NRXN2: variants seen among roughly 807,000 people sequenced by gnomAD.
NRXN2 encodes the protein neurexin-2-beta.
In NRXN2, 29 loss-of-function variants were observed where a neutral mutation model predicts 128.8. The ratio of observed to expected loss-of-function variants is 0.23; its 90% CI spans 0.17 to 0.31. The LOEUF is 0.31. Among genes scored for constraint, NRXN2 ranks in the 10% least tolerant of loss-of-function variants. The probability of loss-of-function intolerance (pLI) is 1.00; values close to 1 mark genes in which losing one functional copy is unlikely to be tolerated. For missense variants in NRXN2, 1,881 were observed against 2,452.6 expected (o/e 0.77, Z 4.92); for synonymous variants, 1,098 against 1,075.2 (o/e 1.02, Z -0.41).
At position 64,632,993 on chromosome 11, in the gene NRXN2, C is replaced by T. The variant is rs1052817510; in HGVS notation, c.3585+2278G>A. ...AGGGGAGGAAGGGGTTTGGGGGCTG[C>T]CCCCAGGGGGCCTCAGCCCATCTGG... On this transcript the variant is annotated intron_variant, in intron 18 of 22. Transcript: ENST00000265459. The surrounding 1 kb of genome is among the most constrained non-coding windows in gnomAD (Gnocchi z 4.2). Among the ~76,000 whole-genome samples the T allele has an allele frequency of 2.6e-5, 4 of 152,122 alleles. No homozygotes were observed. The highest frequency in any genetic ancestry group is 4.8e-5 in the African/African-American group (2 of 41,422).
intron 22 of NRXN2, 122 bp downstream of exon 22, chr11:64,620,172 T>A (rs1591531690): frequency 1.3e-6 from 1 of 754,196 alleles, no homozygotes; most frequent in South Asian, 1.5e-5. Context: ...GGGGGAACTA[T>A]CAGGGAAAGC....
At chr11:64,619,921 T>G (rs147220634) in intron 22 of NRXN2, among the ~76,000 whole-genome samples, 3 of 152,144 alleles carry the variant, frequency 2.0e-5, no homozygotes, top group African/African-American at 7.2e-5. Context: ...GTTGTGGTTC[T>G]GGACCCAAGA....
At chr11:64,718,506 G>T (rs774081170) in intron 1 of NRXN2, among the ~76,000 whole-genome samples, 1 of 152,194 alleles carries the variant, frequency 6.6e-6, no homozygotes, top group East Asian at 1.9e-4. Context: ...GCTATGGGGG[G>T]AGATTCTGGC....
Position 64,692,851 on chromosome 11 carries a change from G to A in NRXN2, c.774C>T (p.Ser258=), listed in dbSNP as rs749934262. The change falls in exon 4 of 23, where the codon AGC becomes AGT. Residue 258 remains serine (S), a synonymous_variant. Coordinates refer to ENST00000265459, the MANE Select transcript of NRXN2 (RefSeq NM_015080.4). ...MEGPAHLTLN[S]EVGSLLFSEG... ...AACCAAAACTTCAAACCATACCTTCGCTGTTTAACGTCAGGTGAGCCGGAC... is the reference window on the plus strand; with the variant it reads ...AACCAAAACTTCAAACCATACCTTCACTGTTTAACGTCAGGTGAGCCGGAC... The A allele has an allele frequency of 2.4e-5, 39 of 1,613,566 alleles. No homozygotes were observed. The highest frequency in any genetic ancestry group is 1.6e-4 in the Middle Eastern group (1 of 6,062).
intron 9 of NRXN2, among the ~76,000 whole-genome samples, chr11:64,662,820 T>A (rs1028080187): frequency 6.6e-6 from 1 of 150,970 alleles, no homozygotes; most frequent in Non-Finnish European, 1.5e-5. Context: ...GGGGTCAGGG[T>A]GGGAGTTGAG....
At chr11:64,627,031 C>A (rs1001074789) in intron 19 of NRXN2, among the ~76,000 whole-genome samples, 4 of 152,040 alleles carry the variant, frequency 2.6e-5, no homozygotes, top group Admixed American at 1.3e-4. Context: ...GGGGTTTATG[C>A]GGCATTTAGG....
rs749664910 is a variant in NRXN2, at chr11:64,650,458, G to C, written c.3099C>G (p.Leu1033=). 3 of 1,614,192 alleles carry C rather than the reference G, an allele frequency of 1.9e-6. No homozygotes were observed. The highest frequency in any genetic ancestry group is 2.5e-6 in the Non-Finnish European group (3 of 1,180,034). Residue 1033 remains leucine (L), a synonymous_variant, in exon 15 of 23, where the codon CTC becomes CTG. Transcript: ENST00000265459. ...AGGCCCCAGCCCCACCTTTGAGATCGAGGTTTCGGGCGCCATTGGAGTGCT... is the reference window on the plus strand; with the variant it reads ...AGGCCCCAGCCCCACCTTTGAGATCCAGGTTTCGGGCGCCATTGGAGTGCT... The part of the protein sequence containing the change: ...VTQHSNGARN[L]DLKGELYIGG...
At chr11:64,658,980 C>T (rs1361376519) in intron 11 of NRXN2, among the ~76,000 whole-genome samples, 7 of 152,338 alleles carry the variant, frequency 4.6e-5, no homozygotes, top group Admixed American at 2.6e-4. Flanking sequence ...GCCCAGATCA[C>T]GCCACTGCAC....
chr11:64,616,625 A>G (rs372952729), intron 22 of NRXN2, among the ~76,000 whole-genome samples: 1 of 152,070 alleles, frequency 6.6e-6, no homozygotes, highest in African/African-American at 2.4e-5. Context: ...ATTCACACAC[A>G]CTCAGGTCTG....
chr11:64,682,212 A>T (rs1348444780), intron 6 of NRXN2, among the ~76,000 whole-genome samples: 1 of 141,860 alleles, frequency 7.0e-6, no homozygotes, highest in Non-Finnish European at 1.5e-5. Flanking sequence ...TCTTTAGAGG[A>T]CTCTGCCCCT....
chr11:64,676,808 A>T, intron 7 of NRXN2, 185 bp downstream of exon 7: 1 of 626,628 alleles, frequency 1.6e-6, no homozygotes. Flanking sequence ...CCAAAAAAGA[A>T]AGAAAAGGGA....
chr11:64,701,478 C>T (rs1471727649), intron 2 of NRXN2, among the ~76,000 whole-genome samples: 1 of 152,212 alleles, frequency 6.6e-6, no homozygotes, highest in Non-Finnish European at 1.5e-5. Context: ...ATGGTTCGCG[C>T]CTATAATCCC....
chr11:64,626,415 T>TA lies in NRXN2; in HGVS notation c.3847+47dup, dbSNP rs757404004. ...AAGAGAGAGCTCTGCACCTTTAAGATAGTGTTTTTAAAGTTAATTAATTAA... is the reference window on the plus strand; with the variant it reads ...AAGAGAGAGCTCTGCACCTTTAAGATAAGTGTTTTTAAAGTTAATTAATTAA... On this transcript the variant is annotated intron_variant, in intron 20 of 22. Transcript: ENST00000265459. 5 of 1,416,070 alleles carry TA rather than the reference T, an allele frequency of 3.5e-6. No homozygotes were observed. The Admixed American group carries it at 6.8e-5, about 19-fold the overall frequency. The allele number at this position is 1,416,070 out of a possible 1,614,324, so 87.7% of individuals were successfully genotyped here.
rs572641509 is a variant in NRXN2 at position 64,688,470 on chromosome 11, G to C, written c.850+1935C>G. The C allele has an allele frequency of 5.0e-5, 49 of 985,472 alleles. No individual in the cohort carries two copies. In the African/African-American group the frequency reaches 8.2e-4, roughly 16 times the overall value. 61.0% of individuals were successfully genotyped at this position (985,472 alleles called of 1,614,324 possible). A position where few individuals can be genotyped will look rare whatever the true frequency, so the allele number is the denominator to read the frequency against. ...AGGGGAGGTCGGAGCATGACTTCAA[G>C]GGACTGGTGGAGGGATTCTACTGGG... On this transcript the variant is annotated intron_variant, in intron 5 of 22. Coordinates refer to ENST00000265459, the MANE Select transcript of NRXN2 (RefSeq NM_015080.4).
At chr11:64,618,795 T>C (rs555458197) in intron 22 of NRXN2, among the ~76,000 whole-genome samples, 53 of 152,280 alleles carry the variant, frequency 3.5e-4, no homozygotes, top group Non-Finnish European at 5.6e-4. Flanking sequence ...AAGGCCTTTC[T>C]GGCCCAGCAG....
At chr11:64,670,072 T>C (rs918151855) in intron 7 of NRXN2, among the ~76,000 whole-genome samples, 2 of 151,766 alleles carry the variant, frequency 1.3e-5, no homozygotes, top group South Asian at 2.1e-4. Flanking sequence ...AGAACTGGGG[T>C]AAGGGAGCTT....
chr11:64,713,094 G>A lies in NRXN2; in HGVS notation c.606C>T (p.Ala202=). 4 of 1,318,392 alleles carry A rather than the reference G, an allele frequency of 3.0e-6. No homozygotes were observed. Among genetic ancestry groups the A allele is most frequent in the Non-Finnish European group, 2.9e-6 (3 of 1,042,120 alleles). 81.7% of individuals were successfully genotyped at this position (1,318,392 alleles called of 1,614,324 possible). ...TGCGCGCGGGCGCGCACAGCGGGTC[G>A]GCGGTGGCGCCGCGCAGGCCCTGGC... ...LGSQGLRGAT[A]DPLCAPARNP... The change falls in exon 2 of 23, where the codon GCC becomes GCT. Residue 202 remains alanine, a synonymous_variant. Coordinates refer to ENST00000265459, the MANE Select transcript of NRXN2 (RefSeq NM_015080.4).
intron 22 of NRXN2, among the ~76,000 whole-genome samples, chr11:64,610,046 T>C (rs1472829341): frequency 7.0e-6 from 1 of 143,426 alleles, no homozygotes; most frequent in African/African-American, 2.5e-5. Context: ...GTTCAAACAC[T>C]GTTGCCAACC....
rs2048926073 is a variant in NRXN2, at chr11:64,660,823, A to G, written c.2115T>C (p.Cys705=). 1 of 1,613,938 alleles carries G rather than the reference A, an allele frequency of 6.2e-7. No homozygotes were observed. The highest frequency in any genetic ancestry group is 1.1e-5 in the South Asian group (1 of 91,090). Residue 705 remains cysteine, a synonymous_variant, in exon 10 of 23, where the codon TGT becomes TGC. Coordinates refer to ENST00000265459, the MANE Select transcript of NRXN2 (RefSeq NM_015080.4). The surrounding 1 kb of genome is among the most constrained non-coding windows in gnomAD (Gnocchi z 5.2). ...ASAPCRNGGV[C]REGWNRFICD... is the part of the protein sequence containing the mutation. ...AGATGAAGCGGTTCCAGCCTTCTCGACAGACGCCCCCATTGCGACAGGGGG... is the reference window on the plus strand; with the variant it reads ...AGATGAAGCGGTTCCAGCCTTCTCGGCAGACGCCCCCATTGCGACAGGGGG...
Sources: gnomAD v4.1 joint callset for allele counts (sites outside exome capture counted in the v4.1 genomes callset) on GRCh38, gnomAD v4.1.1 for gene constraint, Gnocchi (gnomAD v3.1) non-coding constraint, MANE v1.5 for transcripts, NCBI Gene and HGNC (gene_info 2026-07-23, HGNC 2026-07-21) for gene names.